DTNBP1: variants seen among roughly 807,000 people sequenced by gnomAD.
DTNBP1 encodes the protein dysbindin.
In DTNBP1, 35 loss-of-function variants were observed where a neutral mutation model predicts 42.8. That is an observed-to-expected ratio of 0.82 (90% CI 0.63 to 1.09). The LOEUF is 1.09. Among genes scored for constraint, DTNBP1 ranks in the 50% least tolerant of loss-of-function variants. DTNBP1 has a pLI of 0.00. For missense variants in DTNBP1, 457 were observed against 424.2 expected, an observed-to-expected ratio of 1.08 and a Z score of -0.68; for synonymous variants, 171 against 162.2, an observed-to-expected ratio of 1.05 and a Z score of -0.41.
chr6:15,637,824 A>C lies in DTNBP1; in HGVS notation c.162-20T>G, dbSNP rs1440715909. On this transcript the variant is annotated intron_variant, in intron 3 of 9. Transcript: ENST00000344537. ...TCATACCTAAAAAAAAGCAAAAAATAATTTGAAATGCAAACCACACATTAA... is the reference window on the plus strand; with the variant it reads ...TCATACCTAAAAAAAAGCAAAAAATCATTTGAAATGCAAACCACACATTAA... The C allele has an allele frequency of 6.2e-7, 1 of 1,609,000 alleles. No individual in the cohort carries two copies. The highest frequency in any genetic ancestry group is 2.2e-5 in the East Asian group (1 of 44,842).
At chr6:15,541,796 A>G (rs1581284979) in intron 7 of DTNBP1, among the ~76,000 whole-genome samples, 1 of 152,206 alleles carries the variant, frequency 6.6e-6, no homozygotes, top group South Asian at 2.1e-4. Context: ...GTGGCACAAG[A>G]TATATGAAAT....
intron 4 of DTNBP1, among the ~76,000 whole-genome samples, chr6:15,636,157 C>CTTTTTTTTTTTT (rs70996562): frequency 0.061 from 7,636 of 125,780 alleles, 449 homozygotes; most frequent in Non-Finnish European, 0.079. Context: ...TTACCTGCAC[C>CTTTTTTTTTTTT]TTTTTTTTTT....
chr6:15,618,722 C>A (rs925562092), intron 5 of DTNBP1, among the ~76,000 whole-genome samples: 2 of 152,078 alleles, frequency 1.3e-5, no homozygotes, highest in African/African-American at 4.8e-5. Flanking sequence ...CCACTACTAT[C>A]GGGAATACAG....
At chr6:15,549,969 A>C (rs1774118814) in intron 7 of DTNBP1, among the ~76,000 whole-genome samples, 1 of 152,182 alleles carries the variant, frequency 6.6e-6, no homozygotes, top group Admixed American at 6.5e-5. Context: ...CCAGAGCTAG[A>C]TCCTGACTAC....
chr6:15,607,019 T>TTTC (rs1321750751), intron 6 of DTNBP1, among the ~76,000 whole-genome samples: 1 of 151,286 alleles, frequency 6.6e-6, no homozygotes, highest in East Asian at 1.9e-4. Context: ...AATTTTTTTT[T>TTTC]TTTTTTTTTG....
intron 6 of DTNBP1, among the ~76,000 whole-genome samples, chr6:15,601,809 C>T (rs1403183460): frequency 6.7e-6 from 1 of 150,000 alleles, no homozygotes; most frequent in East Asian, 2.0e-4. Flanking sequence ...CACGCCATTG[C>T]ACTCCAGCCT....
At chr6:15,662,747 G>C in intron 1 of DTNBP1, 67 bp downstream of exon 1, 3 of 1,598,562 alleles carry the variant, frequency 1.9e-6, no homozygotes, top group Non-Finnish European at 1.7e-6. Flanking sequence ...AAGGGAGCGA[G>C]GCAGGGGCAT....
intron 3 of DTNBP1, among the ~76,000 whole-genome samples, chr6:15,643,429 T>A (rs1281960067): frequency 1.3e-5 from 2 of 151,998 alleles, no homozygotes; most frequent in African/African-American, 4.8e-5. Flanking sequence ...AAATCTAGAA[T>A]CAAGAAATTC....
intron 7 of DTNBP1, among the ~76,000 whole-genome samples, chr6:15,573,519 C>G (rs1046730069): frequency 6.6e-6 from 1 of 152,076 alleles, no homozygotes; most frequent in African/African-American, 2.4e-5. Context: ...AAAGAAGCAG[C>G]CTTTGTTTAA....
At chr6:15,608,557 G>A (rs1758206097) in intron 6 of DTNBP1, among the ~76,000 whole-genome samples, 1 of 152,154 alleles carries the variant, frequency 6.6e-6, no homozygotes, top group Non-Finnish European at 1.5e-5. Flanking sequence ...TGAACAGAAT[G>A]AATCCTCCTG....
intron 8 of DTNBP1, among the ~76,000 whole-genome samples, chr6:15,530,890 A>C (rs1295075213): frequency 1.3e-5 from 2 of 152,174 alleles, no homozygotes; most frequent in Non-Finnish European, 2.9e-5. Flanking sequence ...TGGGTCGGCC[A>C]GGGTGTATCT....
intron 6 of DTNBP1, among the ~76,000 whole-genome samples, chr6:15,603,048 A>C (rs1776792124): frequency 6.6e-6 from 1 of 152,242 alleles, no homozygotes; most frequent in Non-Finnish European, 1.5e-5. Context: ...TTCTAGCTAC[A>C]TCTGTTCTCG....
At chr6:15,551,910 C>A (rs1387668344) in intron 7 of DTNBP1, among the ~76,000 whole-genome samples, 1 of 152,188 alleles carries the variant, frequency 6.6e-6, no homozygotes, top group East Asian at 1.9e-4. Flanking sequence ...AGCCAGCAGT[C>A]ACAGCAGGCC....
At chr6:15,560,112 C>T (rs913346303) in intron 7 of DTNBP1, among the ~76,000 whole-genome samples, 31 of 152,110 alleles carry the variant, frequency 2.0e-4, no homozygotes, top group Non-Finnish European at 7.4e-5. Flanking sequence ...TCAAGACCAT[C>T]CTGGCTAACA....
At chr6:15,622,112 A>C (rs1432515745) in intron 5 of DTNBP1, among the ~76,000 whole-genome samples, 1 of 152,250 alleles carries the variant, frequency 6.6e-6, no homozygotes. Context: ...TGATTTTATT[A>C]CTCTAACATG....
chr6:15,651,544 C>A, intron 2 of DTNBP1, 181 bp from the exon 3 acceptor site: 2 of 751,488 alleles, frequency 2.7e-6, no homozygotes, highest in Non-Finnish European at 2.2e-6. Flanking sequence ...ATGTAACACA[C>A]TATCAACCAT....
chr6:15,649,730 C>T (rs1199509707), intron 3 of DTNBP1, among the ~76,000 whole-genome samples: 1 of 152,058 alleles, frequency 6.6e-6, no homozygotes, highest in East Asian at 1.9e-4. Flanking sequence ...ATTTTAGTTC[C>T]AATGGGAAAA....
chr6:15,570,402 C>T (rs554752970), intron 7 of DTNBP1, among the ~76,000 whole-genome samples: 1 of 152,324 alleles, frequency 6.6e-6, no homozygotes, highest in Non-Finnish European at 1.5e-5. Context: ...AGCAGTCACA[C>T]ATGTACTCTG....
At chr6:15,569,597 T>C (rs1251574058) in intron 7 of DTNBP1, among the ~76,000 whole-genome samples, 1 of 152,158 alleles carries the variant, frequency 6.6e-6, no homozygotes, top group African/African-American at 2.4e-5. Flanking sequence ...TTGGTGTCAG[T>C]GTAGTGACAT....
Sources: gnomAD v4.1 joint callset for allele counts (sites outside exome capture counted in the v4.1 genomes callset) on GRCh38, gnomAD v4.1.1 for gene constraint, MANE v1.5 for transcripts, NCBI Gene and HGNC (gene_info 2026-07-23, HGNC 2026-07-21) for gene names.